Variants in ATP8A2 observed in about 807,000 individuals in gnomAD.
ATP8A2 encodes the protein phospholipid-transporting ATPase IB.
In ATP8A2, 100 loss-of-function variants were observed where a neutral mutation model predicts 165.6. The ratio of observed to expected loss-of-function variants is 0.60; its 90% CI spans 0.51 to 0.71. ATP8A2 has a LOEUF of 0.71. Among genes scored for constraint, ATP8A2 ranks in the 30% least tolerant of loss-of-function variants. ATP8A2 has a pLI of 0.00. For missense variants in ATP8A2, 1,227 were observed against 1,479.5 expected (o/e 0.83, Z 2.80); for synonymous variants, 543 against 548.8 (o/e 0.99, Z 0.15).
chr13:25,847,532 G>T (rs1951894667), intron 30 of ATP8A2, among the ~76,000 whole-genome samples: 1 of 152,148 alleles, frequency 6.6e-6, no homozygotes. Flanking sequence ...GTTGGGTTTG[G>T]TGTAATGTTG....
chr13:25,382,970 T>C (rs188266773), intron 1 of ATP8A2, among the ~76,000 whole-genome samples: 4 of 151,372 alleles, frequency 2.6e-5, no homozygotes, highest in East Asian at 2.0e-4. Flanking sequence ...TTAGCCAGGA[T>C]GGTCTCCATC....
Position 25,431,264 on chromosome 13 carries a change from C to G in ATP8A2, c.77-37713C>G, listed in dbSNP as rs181904702. ...TCCCAGATTCAAGTGATTCTCCTGC[C>G]CAGCCTCCCGAGTAGCTGGGATTAG... is the stretch of plus-strand genomic sequence containing the variant. On this transcript the variant is annotated intron_variant, in intron 1 of 36. Transcript: ENST00000381655. Among the ~76,000 whole-genome samples, 1,297 of 152,068 alleles carry G rather than the reference C, an allele frequency of 8.5e-3. 21 individuals carry two copies. Among genetic ancestry groups the G allele is most frequent in the African/African-American group, 0.029 (1,201 of 41,474 alleles).
Position 25,419,792 on chromosome 13 carries a change from A to G in ATP8A2, c.76+47504A>G, listed in dbSNP as rs143793565. Among the ~76,000 whole-genome samples the G allele has an allele frequency of 6.2e-3, 940 of 152,338 alleles. 6 individuals carry two copies. The highest frequency in any genetic ancestry group is 0.01 in the Admixed American group (156 of 15,298). On this transcript the variant is annotated intron_variant, in intron 1 of 36. Coordinates refer to ENST00000381655, the MANE Select transcript of ATP8A2 (RefSeq NM_016529.6). ...AACAGCAAGTGTGAGAGTGAAATAT[A>G]ATCAAGGGCTATTAAGTGGTGCAAT...
chr13:25,826,484 AC>A (rs1951316721), intron 27 of ATP8A2, among the ~76,000 whole-genome samples: 1 of 152,194 alleles, frequency 6.6e-6, no homozygotes, highest in Admixed American at 6.5e-5. Flanking sequence ...ACAGTAGTGC[AC>A]AGAGCAGCAT....
chr13:25,434,031 G>T (rs921102918), intron 1 of ATP8A2, among the ~76,000 whole-genome samples: 3 of 152,154 alleles, frequency 2.0e-5, no homozygotes, highest in African/African-American at 4.8e-5. Flanking sequence ...TACTATTTGG[G>T]TAATGGGTAT....
chr13:25,438,297 T>C (rs2034836093), intron 1 of ATP8A2, among the ~76,000 whole-genome samples: 1 of 152,220 alleles, frequency 6.6e-6, no homozygotes, highest in South Asian at 2.1e-4. Context: ...TGATTTCCAT[T>C]GAAAGATTTT....
intron 33 of ATP8A2, among the ~76,000 whole-genome samples, chr13:25,946,801 G>A (rs2139128627): frequency 6.6e-6 from 1 of 152,320 alleles, no homozygotes; most frequent in South Asian, 2.1e-4. Flanking sequence ...AGGCTGGAGG[G>A]CAGTGGCACG....
intron 24 of ATP8A2, among the ~76,000 whole-genome samples, chr13:25,690,626 A>G (rs1480983348): frequency 6.6e-6 from 1 of 152,166 alleles, no homozygotes; most frequent in Non-Finnish European, 1.5e-5. Context: ...TACTAAATCT[A>G]ATACTACGCA....
chr13:25,731,126 A>AAGAG (rs146210880), intron 25 of ATP8A2, among the ~76,000 whole-genome samples: 25 of 117,698 alleles, frequency 2.1e-4, no homozygotes, highest in East Asian at 7.1e-4. Context: ...GGGAAAAGAA[A>AAGAG]AGAGAGAGAG....
intron 35 of ATP8A2, among the ~76,000 whole-genome samples, chr13:25,971,950 C>T (rs1187449538): frequency 6.6e-6 from 1 of 152,086 alleles, no homozygotes; most frequent in East Asian, 1.9e-4. Flanking sequence ...ACCCCAGGGG[C>T]TTACTCAGCT....
intron 24 of ATP8A2, among the ~76,000 whole-genome samples, chr13:25,670,701 A>G (rs561616879): frequency 2.0e-5 from 3 of 152,246 alleles, no homozygotes; most frequent in Admixed American, 1.3e-4. Context: ...GCAACACTTT[A>G]TGTCTTAGAT....
At chr13:25,555,141 A>G (rs894671147) in intron 13 of ATP8A2, 73 bp downstream of exon 13, 17 of 1,186,598 alleles carry the variant, frequency 1.4e-5, no homozygotes, top group Non-Finnish European at 1.7e-5. Context: ...CAGAAGAACC[A>G]TGGAAAGATT....
chr13:25,615,534 A>G (rs774453256), intron 24 of ATP8A2, among the ~76,000 whole-genome samples: 7 of 151,836 alleles, frequency 4.6e-5, no homozygotes, highest in African/African-American at 9.7e-5. Flanking sequence ...TCCTGTCTGC[A>G]CTCCTGATTC....
intron 30 of ATP8A2, among the ~76,000 whole-genome samples, chr13:25,841,560 ATATTT>A (rs2138667910): frequency 6.6e-6 from 1 of 152,338 alleles, no homozygotes; most frequent in Admixed American, 6.5e-5. Flanking sequence ...AACAAATTGA[ATATTT>A]TATAATTAAT....
At chr13:25,853,573 T>A (rs1463691386) in intron 30 of ATP8A2, among the ~76,000 whole-genome samples, 1 of 152,086 alleles carries the variant, frequency 6.6e-6, no homozygotes. Flanking sequence ...AGAAGAAAAT[T>A]CAAAAAGTTG....
At chr13:25,813,199 T>A (rs1168115873) in intron 27 of ATP8A2, among the ~76,000 whole-genome samples, 1 of 151,940 alleles carries the variant, frequency 6.6e-6, no homozygotes, top group Admixed American at 6.6e-5. Context: ...CCTGCGCATG[T>A]ACCCCAGAAC....
chr13:25,817,225 T>A (rs542195876), intron 27 of ATP8A2, among the ~76,000 whole-genome samples: 4 of 152,068 alleles, frequency 2.6e-5, no homozygotes, highest in Non-Finnish European at 5.9e-5. Context: ...AGCCTTGAAC[T>A]ATAAAAAAAA....
chr13:25,683,403 T>C (rs1435979353), intron 24 of ATP8A2, among the ~76,000 whole-genome samples: 1 of 152,250 alleles, frequency 6.6e-6, no homozygotes, highest in Non-Finnish European at 1.5e-5. Context: ...TAGAGTCTTA[T>C]AATTCTACTA....
At chr13:25,927,325 T>G (rs1954638520) in intron 33 of ATP8A2, 2 of 390,748 alleles carry the variant, frequency 5.1e-6, no homozygotes, top group Non-Finnish European at 5.2e-6. Context: ...GTGAGTTCAG[T>G]GTTTGGTTTT....
Sources: allele counts gnomAD v4.1 joint callset (sites outside exome capture counted in the v4.1 genomes callset), GRCh38; gene constraint gnomAD v4.1.1; transcripts MANE v1.5; gene names NCBI Gene and HGNC (gene_info 2026-07-23, HGNC 2026-07-21).